The following KIF18A variants were observed in gnomAD, a reference collection of about 807,000 sequenced individuals.
KIF18A encodes the protein kinesin family member 18A.
Under a neutral mutation model 103.3 loss-of-function variants are expected in KIF18A, and 67 were observed. That is an observed-to-expected ratio of 0.65 (90% CI 0.53 to 0.79). The LOEUF (loss-of-function observed/expected upper bound fraction) is 0.79. Ranked by LOEUF, KIF18A falls within the 30% of genes least tolerant of loss-of-function variation. The pLI is 0.00. For synonymous variants in KIF18A, 367 were observed against 355.5 expected (o/e 1.03, Z -0.36); for missense variants, 1,032 against 1,062.5 (o/e 0.97, Z 0.40).
At chr11:28,073,035 C>G (rs911607971) in intron 10 of KIF18A, among the ~76,000 whole-genome samples, 3 of 152,098 alleles carry the variant, frequency 2.0e-5, no homozygotes, top group African/African-American at 7.2e-5. Context: ...AGATTTTAGA[C>G]TCCTAGCAAC....
intron 6 of KIF18A, among the ~76,000 whole-genome samples, chr11:28,087,741 C>G (rs1394864074): frequency 6.6e-6 from 1 of 152,130 alleles, no homozygotes; most frequent in Admixed American, 6.5e-5. Context: ...ACATCCTCTC[C>G]AGCATCTGTT....
chr11:28,076,014 CA>C (rs1290576834), intron 10 of KIF18A, among the ~76,000 whole-genome samples: 2 of 151,484 alleles, frequency 1.3e-5, no homozygotes, highest in Admixed American at 1.3e-4. Flanking sequence ...TGATGGTTGG[CA>C]AGAATTTTTT....
intron 13 of KIF18A, among the ~76,000 whole-genome samples, chr11:28,054,813 T>C (rs1850757426): frequency 6.6e-6 from 1 of 152,168 alleles, no homozygotes; most frequent in Non-Finnish European, 1.5e-5. Context: ...ACACGTTAAT[T>C]ATAAAATGTA....
chr11:28,070,263 C>A (rs1323293018), intron 10 of KIF18A, among the ~76,000 whole-genome samples: 2 of 152,242 alleles, frequency 1.3e-5, no homozygotes, highest in Non-Finnish European at 2.9e-5. Context: ...AGAACTCCCC[C>A]TCTTTGGGAG....
intron 9 of KIF18A, 114 bp from the exon 10 acceptor site, chr11:28,077,283 T>C: frequency 1.6e-6 from 1 of 639,262 alleles, no homozygotes; most frequent in Non-Finnish European, 2.6e-6. Context: ...AGAACTACAC[T>C]CAATGATAAA....
chr11:28,093,435 A>G (rs1329454311), intron 3 of KIF18A, among the ~76,000 whole-genome samples: 1 of 152,164 alleles, frequency 6.6e-6, no homozygotes, highest in African/African-American at 2.4e-5. Context: ...CACCAGAAAT[A>G]AATAGGCAAT....
intron 13 of KIF18A, among the ~76,000 whole-genome samples, chr11:28,058,394 T>C (rs1043806571): frequency 6.7e-6 from 1 of 148,916 alleles, no homozygotes; most frequent in Non-Finnish European, 1.5e-5. Context: ...AGCTCATGCC[T>C]ATAATCTCAG....
At chr11:28,038,163 G>A (rs947536461) in intron 13 of KIF18A, among the ~76,000 whole-genome samples, 2 of 151,338 alleles carry the variant, frequency 1.3e-5, no homozygotes, top group Non-Finnish European at 3.0e-5. Context: ...TTTTAGTTGG[G>A]TAATTCTTGG....
intron 1 of KIF18A, among the ~76,000 whole-genome samples, chr11:28,100,098 T>C (rs1423963893): frequency 6.6e-6 from 1 of 152,024 alleles, no homozygotes; most frequent in African/African-American, 2.4e-5. Context: ...TCCAAGGTTT[T>C]TGGCTTGAGA....
chr11:28,077,568 C>G (rs537020199), intron 9 of KIF18A, among the ~76,000 whole-genome samples: 4 of 152,214 alleles, frequency 2.6e-5, no homozygotes, highest in Admixed American at 2.6e-4. Flanking sequence ...TCACAAGGCC[C>G]TATTAGCAAC....
chr11:28,107,372 C>T (rs1851538857), intron 1 of KIF18A, among the ~76,000 whole-genome samples: 3 of 150,338 alleles, frequency 2.0e-5, no homozygotes, highest in Admixed American at 2.0e-4. Flanking sequence ...GACTAATGAG[C>T]TCCTAAAAAA....
At chr11:28,026,447 C>T (rs998707714) in intron 15 of KIF18A, among the ~76,000 whole-genome samples, 3 of 151,756 alleles carry the variant, frequency 2.0e-5, no homozygotes, top group Non-Finnish European at 4.4e-5. Flanking sequence ...ACATTTCTAG[C>T]ATTAATCTCT....
At chr11:28,081,018 G>A (rs1269160463) in intron 9 of KIF18A, among the ~76,000 whole-genome samples, 1 of 152,196 alleles carries the variant, frequency 6.6e-6, no homozygotes, top group African/African-American at 2.4e-5. Flanking sequence ...CTTATCCAGA[G>A]CAAGCCTTCT....
At chr11:28,059,186 G>C (rs775586756) in intron 12 of KIF18A, 25 bp from the exon 13 acceptor site, 6 of 1,499,076 alleles carry the variant, frequency 4.0e-6, no homozygotes, top group East Asian at 4.5e-5. Context: ...TGAGAAGAAA[G>C]GAGAGATAAA....
At chr11:28,080,340 C>A (rs1851148939) in intron 9 of KIF18A, among the ~76,000 whole-genome samples, 1 of 144,606 alleles carries the variant, frequency 6.9e-6, no homozygotes, top group African/African-American at 2.5e-5. Context: ...TTGTGCTTTG[C>A]AGACACTGTT....
At chr11:28,088,454 T>C in intron 6 of KIF18A, 70 bp downstream of exon 6, 1 of 1,290,538 alleles carries the variant, frequency 7.7e-7, no homozygotes, top group South Asian at 1.3e-5. Flanking sequence ...AACAAAATCA[T>C]ATTAAATAGT....
rs75407277 is a variant in KIF18A, at chr11:28,049,587, T to C, written c.1948+9339A>G. On this transcript the variant is annotated intron_variant, in intron 13 of 16. Coordinates refer to ENST00000263181, the MANE Select transcript of KIF18A (RefSeq NM_031217.4). ...CATTGATGAATGGGATTAGATCTAATTGAGGTTTGGTACAAAACGATGGCA... is the reference window on the plus strand; with the variant it reads ...CATTGATGAATGGGATTAGATCTAACTGAGGTTTGGTACAAAACGATGGCA... Among the ~76,000 whole-genome samples, 756 of 152,122 alleles carry C rather than the reference T, an allele frequency of 5.0e-3. 7 individuals carry two copies. The highest frequency in any genetic ancestry group is 0.016 in the African/African-American group (683 of 41,538).
chr11:28,054,925 A>G (rs1387337972), intron 13 of KIF18A, among the ~76,000 whole-genome samples: 1 of 152,174 alleles, frequency 6.6e-6, no homozygotes, highest in Non-Finnish European at 1.5e-5. Context: ...GTGCAATTAT[A>G]CTGTATGTGA....
chr11:28,065,265 A>C (rs1188142810), intron 11 of KIF18A, among the ~76,000 whole-genome samples: 1 of 152,038 alleles, frequency 6.6e-6, no homozygotes, highest in African/African-American at 2.4e-5. Context: ...GTTATGTCTC[A>C]ATTTGCTTAT....
Sources: gnomAD v4.1 joint callset for allele counts (sites outside exome capture counted in the v4.1 genomes callset) on GRCh38, gnomAD v4.1.1 for gene constraint, MANE v1.5 for transcripts, NCBI Gene and HGNC (gene_info 2026-07-23, HGNC 2026-07-21) for gene names.